Variants in LDB2 observed in about 807,000 individuals in gnomAD.
LDB2 encodes the protein LIM domain-binding protein 2.
LDB2 carries 12 observed loss-of-function variants against 44.3 expected under a neutral mutation model. The ratio of observed to expected loss-of-function variants is 0.27; its 90% CI spans 0.17 to 0.44. LDB2 has a LOEUF of 0.44. Among genes scored for constraint, LDB2 ranks in the 20% least tolerant of loss-of-function variants. LDB2 has a pLI of 1.00. For missense variants in LDB2, 344 were observed against 473.5 expected (o/e 0.73, Z 2.54); for synonymous variants, 164 against 174.8 (o/e 0.94, Z 0.49).
At chr4:16,844,513 TTGTC>T (rs1292401052) in intron 1 of LDB2, among the ~76,000 whole-genome samples, 2 of 152,166 alleles carry the variant, frequency 1.3e-5, no homozygotes, top group African/African-American at 4.8e-5. Flanking sequence ...TATTAAGGAT[TTGTC>T]TGTTATTTTT....
intron 2 of LDB2, among the ~76,000 whole-genome samples, chr4:16,672,764 GTA>G (rs1745150976): frequency 6.6e-6 from 1 of 152,112 alleles, no homozygotes; most frequent in Admixed American, 6.5e-5. Context: ...TTTCCCTGCA[GTA>G]ACACTGAGAG....
chr4:16,827,030 A>C (rs1255629334), intron 1 of LDB2, among the ~76,000 whole-genome samples: 2 of 152,192 alleles, frequency 1.3e-5, no homozygotes, highest in Non-Finnish European at 2.9e-5. Context: ...TGAGAACCTG[A>C]AGTCTGAAGA....
chr4:16,522,276 T>TTGTGTGTGCGTGTGTG (rs61400788), intron 5 of LDB2, among the ~76,000 whole-genome samples: 47,710 of 150,156 alleles, frequency 0.32, 7,711 homozygotes, highest in Middle Eastern at 0.38. Context: ...GTGTGTGTGT[T>TTGTGTGTGCGTGTGTG]TGTGTGTGTG....
At chr4:16,562,885 C>T (rs1440418581) in intron 5 of LDB2, among the ~76,000 whole-genome samples, 1 of 152,164 alleles carries the variant, frequency 6.6e-6, no homozygotes, top group Non-Finnish European at 1.5e-5. Context: ...ACTATGCAGC[C>T]ATAAGAAATG....
intron 1 of LDB2, among the ~76,000 whole-genome samples, chr4:16,854,536 CAG>C (rs1788940514): frequency 6.9e-6 from 1 of 144,894 alleles, no homozygotes; most frequent in East Asian, 2.0e-4. Context: ...CACACACACA[CAG>C]GTGAAATATA....
At chr4:16,897,673 A>G (rs1725432506) in intron 1 of LDB2, among the ~76,000 whole-genome samples, 1 of 151,812 alleles carries the variant, frequency 6.6e-6, no homozygotes, top group African/African-American at 2.4e-5. Flanking sequence ...GTAGAGTGAT[A>G]GGGGGGCACG....
intron 5 of LDB2, among the ~76,000 whole-genome samples, chr4:16,564,637 A>G (rs1280958610): frequency 6.6e-6 from 1 of 152,202 alleles, no homozygotes; most frequent in Admixed American, 6.5e-5. Flanking sequence ...CTTTCTTTCA[A>G]CAGCTTCCAT....
chr4:16,897,895 A>AATATATATATATAT (rs1174965862), intron 1 of LDB2, among the ~76,000 whole-genome samples: 4 of 78,174 alleles, frequency 5.1e-5, no homozygotes, highest in African/African-American at 1.1e-4. Context: ...TAAAAAAGAA[A>AATATATATATATAT]ATATATATAT....
rs375340123 is a variant in LDB2, at chr4:16,746,322, A to AT, written c.235+12835dup. 5.9e-5 allele frequency among the ~76,000 whole-genome samples: 9 copies of AT among 152,286 alleles called. No homozygotes were observed. In the South Asian group the frequency reaches 1.7e-3, roughly 28 times the overall value. On this transcript the variant is annotated intron_variant, in intron 2 of 7. Coordinates refer to ENST00000304523, the MANE Select transcript of LDB2 (RefSeq NM_001290.5). ...AAGAACCAACTACGTGTCTGACTCC[A>AT]TTTTTTTGGCAAATTATAATATCAC...
chr4:16,574,084 T>C (rs572204735), intron 5 of LDB2, among the ~76,000 whole-genome samples: 51 of 152,344 alleles, frequency 3.3e-4, no homozygotes, highest in African/African-American at 1.2e-3. Context: ...TGGACTATAC[T>C]CCTGTTGCTA....
intron 1 of LDB2, among the ~76,000 whole-genome samples, chr4:16,782,123 C>A (rs1773379508): frequency 6.6e-6 from 1 of 152,178 alleles, no homozygotes; most frequent in Non-Finnish European, 1.5e-5. Flanking sequence ...CCATACTATT[C>A]CAAACCGCAG....
intron 1 of LDB2, among the ~76,000 whole-genome samples, chr4:16,828,328 T>A (rs1331012545): frequency 2.0e-5 from 3 of 152,202 alleles, no homozygotes; most frequent in Non-Finnish European, 4.4e-5. Flanking sequence ...CTCTGTTTTT[T>A]CTCTGGCCCC....
At chr4:16,781,613 C>A (rs1384978040) in intron 1 of LDB2, among the ~76,000 whole-genome samples, 12 of 152,100 alleles carry the variant, frequency 7.9e-5, no homozygotes, top group African/African-American at 1.2e-4. Flanking sequence ...CATACTAAAT[C>A]CCTCAGAACA....
intron 1 of LDB2, among the ~76,000 whole-genome samples, chr4:16,822,203 T>A (rs1782229222): frequency 6.6e-6 from 1 of 152,188 alleles, no homozygotes; most frequent in Non-Finnish European, 1.5e-5. Context: ...CCACCATGAA[T>A]ATTAACTATT....
chr4:16,742,807 A>G (rs1204488754), intron 2 of LDB2, among the ~76,000 whole-genome samples: 1 of 151,992 alleles, frequency 6.6e-6, no homozygotes, highest in East Asian at 1.9e-4. Context: ...AGCATTCACC[A>G]TTTTCCCGAA....
chr4:16,622,126 C>CCTTTGT (rs1729051513), intron 2 of LDB2, among the ~76,000 whole-genome samples: 1 of 152,090 alleles, frequency 6.6e-6, no homozygotes. Context: ...TTTGCCTTTG[C>CCTTTGT]GGCCAGTGAA....
At chr4:16,833,476 C>T (rs1057279497) in intron 1 of LDB2, among the ~76,000 whole-genome samples, 1 of 151,630 alleles carries the variant, frequency 6.6e-6, no homozygotes, top group Non-Finnish European at 1.5e-5. Context: ...TCTTTTCTTG[C>T]GGTATCTCCT....
chr4:16,877,164 A>T (rs938551620), intron 1 of LDB2, among the ~76,000 whole-genome samples: 2 of 152,208 alleles, frequency 1.3e-5, no homozygotes, highest in Non-Finnish European at 2.9e-5. Context: ...AAAGAAAATG[A>T]TGTCAGTTTG....
chr4:16,707,999 C>T (rs1459489724), intron 2 of LDB2, among the ~76,000 whole-genome samples: 1 of 152,158 alleles, frequency 6.6e-6, no homozygotes, highest in Non-Finnish European at 1.5e-5. Context: ...CGTGTTCAAA[C>T]TGACACACAG....
Sources: gnomAD v4.1 joint callset for allele counts (sites outside exome capture counted in the v4.1 genomes callset) on GRCh38, gnomAD v4.1.1 for gene constraint, MANE v1.5 for transcripts, NCBI Gene and HGNC (gene_info 2026-07-23, HGNC 2026-07-21) for gene names.